FLI1: variants seen among roughly 807,000 people sequenced by gnomAD.
The protein encoded by FLI1 is Friend leukemia integration 1 transcription factor.
Under a neutral mutation model 53.1 loss-of-function variants are expected in FLI1, and 13 were observed. The ratio of observed to expected loss-of-function variants is 0.24; its 90% CI spans 0.16 to 0.39. The LOEUF is 0.39. Among genes scored for constraint, FLI1 ranks in the 10% least tolerant of loss-of-function variants. FLI1 has a pLI of 1.00. For synonymous variants in FLI1, 244 were observed against 236.7 expected (o/e 1.03, Z -0.28); for missense variants, 424 against 600.5 (o/e 0.71, Z 3.07).
chr11:128,754,789 G>A (rs557723061), intron 1 of FLI1, among the ~76,000 whole-genome samples: 15 of 152,350 alleles, frequency 9.8e-5, no homozygotes, highest in Non-Finnish European at 1.9e-4. Context: ...AGGGAGGGAA[G>A]AGTCTCAGAG....
chr11:128,781,991 C>T lies in FLI1; in HGVS notation c.623C>T (p.Thr208Ile). The T allele has an allele frequency of 6.2e-7, 1 of 1,613,948 alleles. No homozygotes were observed. Among genetic ancestry groups the T allele is most frequent in the East Asian group, 2.2e-5 (1 of 44,884 alleles). Residue 208 changes from threonine to isoleucine, a missense_variant, in exon 5 of 9, where the codon ACC becomes ATC. This residue lies in a region of FLI1 where 114 missense variants were observed against 117.9 expected (regional missense o/e 0.97). Transcript: ENST00000527786. ...CTGGCCTATAATACAACCTCCCACA[C>T]CGACCAATCCTCACGATTGAGTGTC... ...SLLAYNTTSH[T>I]DQSSRLSVKE...
intron 1 of FLI1, among the ~76,000 whole-genome samples, chr11:128,757,080 C>CTTTCTTTCTTTG (rs1940913703): frequency 1.4e-5 from 2 of 146,026 alleles, no homozygotes; most frequent in African/African-American, 5.3e-5. Context: ...TTCTTTCTTT[C>CTTTCTTTCTTTG]TTTCTTTCTT....
At chr11:128,738,678 C>G (rs1329243546) in intron 1 of FLI1, among the ~76,000 whole-genome samples, 2 of 152,250 alleles carry the variant, frequency 1.3e-5, no homozygotes, top group African/African-American at 4.8e-5. Flanking sequence ...TCCCACCTAC[C>G]TTAAAGAGTT....
At chr11:128,802,567 G>C (rs1394638254) in intron 5 of FLI1, among the ~76,000 whole-genome samples, 4 of 152,216 alleles carry the variant, frequency 2.6e-5, no homozygotes, top group Non-Finnish European at 5.9e-5. Context: ...TGACTGCTGG[G>C]TGGCCTCTGT....
intron 5 of FLI1, among the ~76,000 whole-genome samples, chr11:128,789,638 G>C (rs954034347): frequency 6.6e-6 from 1 of 152,234 alleles, no homozygotes; most frequent in Admixed American, 6.5e-5. Context: ...CCTGTGTCAG[G>C]CTGATGCGCT....
chr11:128,699,879 T>C (rs1413587042), intron 1 of FLI1, among the ~76,000 whole-genome samples: 1 of 152,178 alleles, frequency 6.6e-6, no homozygotes, highest in Non-Finnish European at 1.5e-5. Flanking sequence ...TGGGAATTGG[T>C]GGTACCTCAG....
chr11:128,714,677 T>A (rs1938928411), intron 1 of FLI1, among the ~76,000 whole-genome samples: 1 of 151,220 alleles, frequency 6.6e-6, no homozygotes. Context: ...TAGTTACTGA[T>A]GAGCCCAGCA....
intron 5 of FLI1, among the ~76,000 whole-genome samples, chr11:128,792,062 C>CTAT (rs1300565883): frequency 6.6e-6 from 1 of 152,192 alleles, no homozygotes; most frequent in Non-Finnish European, 1.5e-5. Context: ...AAGAAATTTC[C>CTAT]TATTCATTTC....
At chr11:128,707,320 A>G (rs2135712505) in intron 1 of FLI1, among the ~76,000 whole-genome samples, 1 of 152,324 alleles carries the variant, frequency 6.6e-6, no homozygotes, top group Middle Eastern at 3.4e-3. Flanking sequence ...CTTCTCCATA[A>G]TAAGAACACA....
intron 5 of FLI1, among the ~76,000 whole-genome samples, chr11:128,801,726 T>C (rs1942643331): frequency 6.6e-6 from 1 of 152,208 alleles, no homozygotes; most frequent in African/African-American, 2.4e-5. Flanking sequence ...GAATTGTGTG[T>C]ATGTAGCAAG....
At chr11:128,728,168 G>A (rs938481212) in intron 1 of FLI1, among the ~76,000 whole-genome samples, 1 of 152,246 alleles carries the variant, frequency 6.6e-6, no homozygotes, top group Admixed American at 6.5e-5. Flanking sequence ...CAGGCCGGGG[G>A]CTAACGCTGT....
At chr11:128,807,046 T>C in intron 6 of FLI1, 134 bp from the exon 7 acceptor site, 1 of 458,780 alleles carries the variant, frequency 2.2e-6, no homozygotes, top group Non-Finnish European at 3.9e-6. Flanking sequence ...GGTAAATGTT[T>C]CTAAAATAAG....
intron 7 of FLI1, among the ~76,000 whole-genome samples, chr11:128,808,953 G>C (rs530396091): frequency 6.6e-6 from 1 of 152,188 alleles, no homozygotes; most frequent in East Asian, 1.9e-4. Flanking sequence ...CCTATTCTTT[G>C]TTCTTTCTGT....
At chr11:128,702,668 C>G (rs1010294471) in intron 1 of FLI1, among the ~76,000 whole-genome samples, 2 of 152,124 alleles carry the variant, frequency 1.3e-5, no homozygotes, top group African/African-American at 4.8e-5. Context: ...TCAAGACCAG[C>G]CTGGCCAATA....
rs1942917037 is a variant in FLI1, at chr11:128,810,769, G to A, written c.1140G>A (p.Lys380=). The stretch of plus-strand genomic sequence containing the variant: ...ATCCGACCGAGTCGTCCATGTACAA[G>A]TACCCTTCTGACATCTCCTACATGC... The part of the protein sequence containing the change: ...QPHPTESSMY[K]YPSDISYMPS... The change falls in exon 9 of 9, where the codon AAG becomes AAA. Residue 380 remains lysine (K), a synonymous_variant. Coordinates refer to ENST00000527786, the MANE Select transcript of FLI1 (RefSeq NM_002017.5). The surrounding 1 kb of genome is among the most constrained non-coding windows in gnomAD (Gnocchi z 6.6). 2.5e-6 allele frequency: 4 copies of A among 1,614,040 alleles called. No individual in the cohort carries two copies. Among genetic ancestry groups the A allele is most frequent in the Non-Finnish European group, 3.4e-6 (4 of 1,179,896 alleles).
intron 5 of FLI1, among the ~76,000 whole-genome samples, chr11:128,789,712 G>A (rs1011907459): frequency 2.0e-5 from 3 of 152,226 alleles, no homozygotes; most frequent in Admixed American, 6.5e-5. Flanking sequence ...GTGCAGGAGG[G>A]CGTGAGCTGG....
intron 1 of FLI1, among the ~76,000 whole-genome samples, chr11:128,706,712 G>T (rs1398910877): frequency 1.3e-5 from 2 of 152,148 alleles, no homozygotes; most frequent in Non-Finnish European, 2.9e-5. Context: ...TTTGTTCATT[G>T]GTCCTATTTT....
At chr11:128,714,897 C>A (rs557720778) in intron 1 of FLI1, among the ~76,000 whole-genome samples, 2 of 151,998 alleles carry the variant, frequency 1.3e-5, no homozygotes, top group African/African-American at 4.8e-5. Context: ...TTAGTAGAGA[C>A]GGGGTTTCAC....
intron 4 of FLI1, among the ~76,000 whole-genome samples, chr11:128,775,272 G>T (rs1031427516): frequency 2.0e-5 from 3 of 151,948 alleles, no homozygotes; most frequent in Admixed American, 6.5e-5. Flanking sequence ...AATGTTGGGT[G>T]GAAAAGCTCA....
Sources: gnomAD v4.1 joint callset for allele counts (sites outside exome capture counted in the v4.1 genomes callset) on GRCh38, gnomAD v4.1.1 for gene constraint, gnomAD v4.1.1 regional missense constraint, Gnocchi (gnomAD v3.1) non-coding constraint, MANE v1.5 for transcripts, NCBI Gene and HGNC (gene_info 2026-07-23, HGNC 2026-07-21) for gene names.